The following ZNF469 variants were observed in gnomAD, a reference collection of about 807,000 sequenced individuals.
The protein encoded by ZNF469 is zinc finger protein 469.
In ZNF469, 1 loss-of-function variant was observed where a neutral mutation model predicts 1.0. The observed-to-expected ratio is 1.00, with a 90% CI of 0.35 to 4.73. The LOEUF (loss-of-function observed/expected upper bound fraction) is 4.73. Ranked by LOEUF, ZNF469 falls within the 30% of genes most tolerant of loss-of-function variation. The pLI is 0.16. For missense variants in ZNF469, 6,100 were observed against 5,356.3 expected, an observed-to-expected ratio of 1.14 and a Z score of -4.33; for synonymous variants, 2,703 against 2,363.4, an observed-to-expected ratio of 1.14 and a Z score of -4.17.
the ZNF469 span, among the ~76,000 whole-genome samples, chr16:88,209,415 C>A: frequency 6.6e-6 from 1 of 151,990 alleles, no homozygotes; most frequent in East Asian, 1.9e-4. Context: ...CTCAGCCTCC[C>A]GAGTAGCTGG....
chr16:88,406,593 C>T (rs1246939238), intron 1 of ZNF469, among the ~76,000 whole-genome samples: 2 of 152,180 alleles, frequency 1.3e-5, no homozygotes, highest in African/African-American at 4.8e-5. Context: ...GGGACTTAGA[C>T]GCAGAGGGTT....
the ZNF469 span, among the ~76,000 whole-genome samples, chr16:88,232,030 C>G: frequency 6.6e-6 from 1 of 152,148 alleles, no homozygotes; most frequent in Admixed American, 6.5e-5. Flanking sequence ...GTGGACCCTC[C>G]GGGCAGGCTC....
chr16:88,189,123 G>A, the ZNF469 span, among the ~76,000 whole-genome samples: 2 of 152,160 alleles, frequency 1.3e-5, no homozygotes, highest in Non-Finnish European at 2.9e-5. This position sits in a 1 kb window ranked among gnomAD's most constrained non-coding sequence, Gnocchi z 4.3. Context: ...CTGGAGCCTC[G>A]AGGAAGTGTA....
At chr16:88,420,931 G>A (rs1905437339) in intron 1 of ZNF469, among the ~76,000 whole-genome samples, 1 of 151,828 alleles carries the variant, frequency 6.6e-6, no homozygotes, top group Non-Finnish European at 1.5e-5. Flanking sequence ...GGCCAGGAGT[G>A]AGTGGGGGTC....
At chr16:88,103,138 G>T in the ZNF469 span, among the ~76,000 whole-genome samples, 1 of 152,082 alleles carries the variant, frequency 6.6e-6, no homozygotes. Flanking sequence ...CGCCCCTTCT[G>T]GCCCCTCCCC....
At chr16:88,323,110 A>T in the ZNF469 span, among the ~76,000 whole-genome samples, 1 of 152,164 alleles carries the variant, frequency 6.6e-6, no homozygotes, top group African/African-American at 2.4e-5. Flanking sequence ...CAGTGATCCC[A>T]CATCATGGAT....
At chr16:88,330,925 G>A in the ZNF469 span, among the ~76,000 whole-genome samples, 1 of 152,196 alleles carries the variant, frequency 6.6e-6, no homozygotes, top group Non-Finnish European at 1.5e-5. Flanking sequence ...CATGCAGCAA[G>A]TGCTCACTAA....
At chr16:88,224,254 T>C in the ZNF469 span, among the ~76,000 whole-genome samples, 1 of 152,302 alleles carries the variant, frequency 6.6e-6, no homozygotes, top group African/African-American at 2.4e-5. Context: ...CCACCCTGCG[T>C]GCCCGGGCCT....
chr16:88,272,741 G>T, the ZNF469 span, among the ~76,000 whole-genome samples: 2 of 149,642 alleles, frequency 1.3e-5, no homozygotes, highest in Non-Finnish European at 3.0e-5. Context: ...TGGACGGATG[G>T]ATGAACGGGT....
chr16:88,330,342 G>T, the ZNF469 span, among the ~76,000 whole-genome samples: 1 of 152,222 alleles, frequency 6.6e-6, no homozygotes, highest in African/African-American at 2.4e-5. Context: ...CCTGGAAGTG[G>T]ACTCCACGTT....
chr16:88,353,257 T>C, the ZNF469 span, among the ~76,000 whole-genome samples: 1 of 152,140 alleles, frequency 6.6e-6, no homozygotes, highest in South Asian at 2.1e-4. Context: ...CTCCCAATAA[T>C]GCGGCTGGAG....
At chr16:88,211,401 G>T in the ZNF469 span, among the ~76,000 whole-genome samples, 1 of 152,372 alleles carries the variant, frequency 6.6e-6, no homozygotes, top group South Asian at 2.1e-4. Flanking sequence ...GCTGGGTCAC[G>T]GACTCTTCAG....
chr16:88,306,770 T>C, the ZNF469 span, among the ~76,000 whole-genome samples: 1 of 152,122 alleles, frequency 6.6e-6, no homozygotes, highest in Non-Finnish European at 1.5e-5. Context: ...CTTTATTCCG[T>C]CTCCTTCCCT....
chr16:88,295,118 C>A, the ZNF469 span, among the ~76,000 whole-genome samples: 1 of 58,764 alleles, frequency 1.7e-5, no homozygotes, highest in African/African-American at 6.8e-5. Context: ...GGCTCAGGGT[C>A]TGGGGAGGAC....
chr16:88,243,911 CATAT>C, the ZNF469 span, among the ~76,000 whole-genome samples: 822 of 26,150 alleles, frequency 0.031, 15 homozygotes, highest in Middle Eastern at 0.12. Flanking sequence ...TGGCTGGATG[CATAT>C]ATATATATAT....
the ZNF469 span, among the ~76,000 whole-genome samples, chr16:88,243,950 A>ATATG: frequency 1.4e-5 from 1 of 72,450 alleles, no homozygotes. Context: ...ATATATATAT[A>ATATG]TAAATGTATG....
chr16:88,215,503 C>T, the ZNF469 span, among the ~76,000 whole-genome samples: 3 of 149,522 alleles, frequency 2.0e-5, no homozygotes, highest in Admixed American at 6.8e-5. Context: ...GATTCTCCTG[C>T]CTCAGCCTCC....
chr16:88,131,268 G>GA, the ZNF469 span, among the ~76,000 whole-genome samples: 8 of 152,138 alleles, frequency 5.3e-5, no homozygotes, highest in African/African-American at 1.7e-4. Flanking sequence ...AGGGACTGTT[G>GA]AAAAAAATGA....
At chr16:88,213,799 C>T in the ZNF469 span, among the ~76,000 whole-genome samples, 3 of 152,246 alleles carry the variant, frequency 2.0e-5, no homozygotes, top group Non-Finnish European at 2.9e-5. Flanking sequence ...TTAGCTCAGT[C>T]TCCTCTTCTG....
Sources: allele counts gnomAD v4.1 joint callset (sites outside exome capture counted in the v4.1 genomes callset), GRCh38; gene constraint gnomAD v4.1.1; non-coding constraint Gnocchi (gnomAD v3.1); transcripts MANE v1.5; gene names NCBI Gene and HGNC (gene_info 2026-07-23, HGNC 2026-07-21).